REG1A: variants seen among roughly 807,000 people sequenced by gnomAD.
The protein encoded by REG1A is regenerating family member 1 alpha.
A neutral mutation model predicts 20.7 loss-of-function variants in REG1A; 20 were observed. The ratio of observed to expected loss-of-function variants is 0.97; its 90% CI spans 0.68 to 1.41. The LOEUF (loss-of-function observed/expected upper bound fraction) is 1.41, where lower values mean the gene tolerates loss of function less well. Among genes scored for constraint, REG1A ranks in the 40% most tolerant of loss-of-function variants. REG1A has a pLI of 0.00. For synonymous variants in REG1A, 90 were observed against 71.6 expected, an observed-to-expected ratio of 1.26 and a Z score of -1.30; for missense variants, 193 against 201.8, an observed-to-expected ratio of 0.96 and a Z score of 0.26.
intron 5 of REG1A, 33 bp downstream of exon 5, chr2:79,122,985 G>A: frequency 2.5e-6 from 4 of 1,576,428 alleles, no homozygotes; most frequent in Non-Finnish European, 3.5e-6. Context: ...ACCTGTTTCT[G>A]TTCTCTCCTG....
chr2:79,121,017 A>C, intron 2 of REG1A, 92 bp downstream of exon 2: 1 of 936,850 alleles, frequency 1.1e-6, no homozygotes, highest in Non-Finnish European at 1.6e-6. Context: ...AAAAAAAAAA[A>C]AGCAGAGTCA....
chr2:79,122,023 G>A lies in REG1A; in HGVS notation c.219G>A (p.Val73=), dbSNP rs547365819. The A allele has an allele frequency of 1.3e-5, 21 of 1,613,944 alleles. No homozygotes were observed. In the Middle Eastern group the frequency reaches 1.3e-3, roughly 101 times the overall value. Residue 73 remains valine (V), a synonymous_variant, in exon 4 of 6, where the codon GTG becomes GTA. Coordinates refer to ENST00000233735, the MANE Select transcript of REG1A (RefSeq NM_002909.5). ...YCQNMNSGNL[V]SVLTQAEGAF... ...AGAACATGAATTCGGGCAACCTGGT[G>A]TCTGTGCTCACCCAGGCCGAGGGTG...
Position 79,121,018 on chromosome 2 carries a change from A to G in REG1A, c.64+93A>G, listed in dbSNP as rs965663044. Reference sequence around the variant, plus strand: ...GGGTCTACTTGAAAAAAAAAAAAAAAGCAGAGTCACTGTTAAGGGTTGTTT... The same window carrying G: ...GGGTCTACTTGAAAAAAAAAAAAAAGGCAGAGTCACTGTTAAGGGTTGTTT... On this transcript the variant is annotated intron_variant, in intron 2 of 5. Coordinates refer to ENST00000233735, the MANE Select transcript of REG1A (RefSeq NM_002909.5). The G allele has an allele frequency of 6.9e-4, 558 of 812,386 alleles. 1 individual carries two copies. The highest frequency in any genetic ancestry group is 6.9e-4 in the Non-Finnish European group (357 of 513,972). The allele number at this position is 812,386 out of a possible 1,614,324, so 50.3% of individuals were successfully genotyped here.
In REG1A at chr2:79,121,548, C is replaced by G; in HGVS notation, c.65-14C>G. 6.2e-7 allele frequency: 1 copy of G among 1,608,608 alleles called. No individual in the cohort carries two copies. The highest frequency in any genetic ancestry group is 1.1e-5 in the South Asian group (1 of 90,966). On this transcript the variant is annotated splice_polypyrimidine_tract_variant and intron_variant, in intron 2 of 5. Transcript: ENST00000233735. ...TACCCTGAGAGCCTCCTTTAATTGTCTCTTCTTTTTCAGGCCAAGAGGCCC... is the reference window on the plus strand; with the variant it reads ...TACCCTGAGAGCCTCCTTTAATTGTGTCTTCTTTTTCAGGCCAAGAGGCCC...
chr2:79,121,375 C>G, intron 2 of REG1A, among the ~76,000 whole-genome samples, 187 bp from the exon 3 acceptor site: 1 of 152,182 alleles, frequency 6.6e-6, no homozygotes, highest in East Asian at 1.9e-4. Flanking sequence ...CCTATTCATT[C>G]TGTTTTTTTT....
chr2:79,120,977 C>G (rs781287790), intron 2 of REG1A, 52 bp downstream of exon 2: 34 of 1,420,534 alleles, frequency 2.4e-5, no homozygotes, highest in Non-Finnish European at 3.2e-5. Context: ...AGACTTCACT[C>G]TATCCCCAAG....
At chr2:79,120,969 A>C in intron 2 of REG1A, 44 bp downstream of exon 2, 1 of 1,501,732 alleles carries the variant, frequency 6.7e-7, no homozygotes, top group Non-Finnish European at 9.2e-7. Flanking sequence ...AGCCCTGAAG[A>C]CTTCACTCTA....
At position 79,123,366 on chromosome 2, in the gene REG1A, A is replaced by G. The variant is rs899426616; in HGVS notation, c.*151A>G. The G allele has an allele frequency of 2.9e-5, 16 of 556,994 alleles. No individual in the cohort carries two copies. The Admixed American group carries it at 3.6e-4, about 12-fold the overall frequency. The allele number at this position is 556,994 out of a possible 1,614,324, so 34.5% of individuals were successfully genotyped here. ...AATCTTCAATAGTTTTACCTACCCC[A>G]GTCTTTGGAACCCTAAATAATAAAA... is the stretch of plus-strand genomic sequence containing the variant. On this transcript the variant is annotated 3_prime_UTR_variant, in exon 6 of 6. Coordinates refer to ENST00000233735, the MANE Select transcript of REG1A (RefSeq NM_002909.5).
Position 79,123,225 on chromosome 2 carries a change from G to C in REG1A, c.*10G>C, listed in dbSNP as rs1381620122. On this transcript the variant is annotated 3_prime_UTR_variant, in exon 6 of 6. Coordinates refer to ENST00000233735, the MANE Select transcript of REG1A (RefSeq NM_002909.5). ...CAAGTTCAAAAACTAGAGGCAACTG[G>C]AAAATACATGTCTAGAACTGATCCA... is the stretch of plus-strand genomic sequence containing the variant. 1 of 1,568,172 alleles carries C rather than the reference G, an allele frequency of 6.4e-7. No homozygotes were observed. The highest frequency in any genetic ancestry group is 1.7e-5 in the Admixed American group (1 of 59,602).
At chr2:79,122,677 G>A (rs933335822) in intron 4 of REG1A, among the ~76,000 whole-genome samples, 164 bp from the exon 5 acceptor site, 1 of 152,160 alleles carries the variant, frequency 6.6e-6, no homozygotes, top group Non-Finnish European at 1.5e-5. Flanking sequence ...GAGTTGGACA[G>A]TTCAGGAAAG....
Position 79,123,223 on chromosome 2 carries a change from T to A in REG1A, c.*8T>A, listed in dbSNP as rs1254394276. 3.2e-6 allele frequency: 5 copies of A among 1,576,436 alleles called. No individual in the cohort carries two copies. The highest frequency in any genetic ancestry group is 1.7e-6 in the Non-Finnish European group (2 of 1,146,684). ...TGCAAGTTCAAAAACTAGAGGCAACTGGAAAATACATGTCTAGAACTGATC... is the reference window on the plus strand; with the variant it reads ...TGCAAGTTCAAAAACTAGAGGCAACAGGAAAATACATGTCTAGAACTGATC... On this transcript the variant is annotated 3_prime_UTR_variant, in exon 6 of 6. Coordinates refer to ENST00000233735, the MANE Select transcript of REG1A (RefSeq NM_002909.5).
chr2:79,120,780 A>C, intron 1 of REG1A, 36 bp from the exon 2 acceptor site: 1 of 1,138,220 alleles, frequency 8.8e-7, no homozygotes, highest in Non-Finnish European at 1.2e-6. Flanking sequence ...TTTGCTCTCC[A>C]TCTCTCAGAA....
At chr2:79,121,486 C>T (rs1024191398) in intron 2 of REG1A, 76 bp from the exon 3 acceptor site, 1 of 1,150,518 alleles carries the variant, frequency 8.7e-7, no homozygotes. Context: ...TATAAAGGAA[C>T]CTCAGAAGCT....
chr2:79,122,865 G>T lies in REG1A; in HGVS notation c.346G>T (p.Gly116Trp). Residue 116 changes from glycine to tryptophan, a missense_variant, in exon 5 of 6, where the codon GGG (glycine) becomes TGG (tryptophan). Physicochemically the swap from Gly to Trp is radical, Grantham distance 184. Transcript: ENST00000233735. ...KKNRRWHWSS[G>W]SLVSYKSWGI... The stretch of plus-strand genomic sequence containing the variant: ...GAACCGCCGCTGGCACTGGAGCAGT[G>T]GGTCCCTGGTCTCCTACAAGTCCTG... 1 of 1,613,504 alleles carries T rather than the reference G, an allele frequency of 6.2e-7. No individual in the cohort carries two copies. Among genetic ancestry groups the T allele is most frequent in the Non-Finnish European group, 8.5e-7 (1 of 1,179,960 alleles).
chr2:79,122,437 T>C (rs1030442447), intron 4 of REG1A, among the ~76,000 whole-genome samples: 4 of 152,176 alleles, frequency 2.6e-5, no homozygotes, highest in Admixed American at 2.6e-4. Flanking sequence ...TTGCCGACTA[T>C]ATAGGAAAGG....
At chr2:79,120,782 C>G in intron 1 of REG1A, 34 bp from the exon 2 acceptor site, 1 of 1,148,804 alleles carries the variant, frequency 8.7e-7, no homozygotes, top group African/African-American at 1.6e-5. Context: ...TGCTCTCCAT[C>G]TCTCAGAACC....
intron 2 of REG1A, 49 bp downstream of exon 2, chr2:79,120,974 A>G (rs757266708): frequency 2.1e-6 from 3 of 1,459,460 alleles, no homozygotes; most frequent in Non-Finnish European, 1.9e-6. Flanking sequence ...TGAAGACTTC[A>G]CTCTATCCCC....
At position 79,121,941 on chromosome 2, in the gene REG1A, G is replaced by A. The variant is rs138596100; in HGVS notation, c.184-47G>A. The A allele has an allele frequency of 2.0e-3, 3,281 of 1,606,658 alleles. 10 individuals carry two copies. The highest frequency in any genetic ancestry group is 2.1e-3 in the Non-Finnish European group (2,510 of 1,176,490). ...TCCTCTTGGAGGACTCAGTATATCCGTCACAACTTCCTCCTCCACTGAGTG... is the reference window on the plus strand; with the variant it reads ...TCCTCTTGGAGGACTCAGTATATCCATCACAACTTCCTCCTCCACTGAGTG... On this transcript the variant is annotated intron_variant, in intron 3 of 5. Transcript: ENST00000233735.
At position 79,122,090 on chromosome 2, in the gene REG1A, T is replaced by G; in HGVS notation, c.286T>G (p.Phe96Val). 1 of 1,614,058 alleles carries G rather than the reference T, an allele frequency of 6.2e-7. No individual in the cohort carries two copies. ...SLIKESGTDD[F>V]NVWIGLHDPK... ...GATTAAGGAGAGTGGCACTGATGAC[T>G]TCAATGTCTGGATTGGCCTCCATGA... Residue 96 changes from phenylalanine to valine, a missense_variant, in exon 4 of 6, where the codon TTC becomes GTC. Phe to Val is a conservative substitution (Grantham distance 50). Coordinates refer to ENST00000233735, the MANE Select transcript of REG1A (RefSeq NM_002909.5).
Sources: allele counts gnomAD v4.1 joint callset (sites outside exome capture counted in the v4.1 genomes callset), GRCh38; gene constraint gnomAD v4.1.1; transcripts MANE v1.5; gene names NCBI Gene and HGNC (gene_info 2026-07-23, HGNC 2026-07-21).